The following SCN8A variants were observed in gnomAD, a reference collection of about 807,000 sequenced individuals.
SCN8A encodes sodium channel protein type 8 subunit alpha.
In SCN8A, 30 loss-of-function variants were observed where a neutral mutation model predicts 184.1. That is an observed-to-expected ratio of 0.16 (90% confidence interval 0.12 to 0.22). The LOEUF (loss-of-function observed/expected upper bound fraction) is 0.22. SCN8A is among the 10% of genes least tolerant of loss of function. SCN8A has a pLI of 1.00. For synonymous variants in SCN8A, 852 were observed against 907.0 expected (o/e 0.94, Z 1.09); for missense variants, 1,057 against 2,498.9 (o/e 0.42, Z 12.30).
At chr12:51,781,035 T>G (rs1175463456) in intron 21 of SCN8A, among the ~76,000 whole-genome samples, 4 of 152,158 alleles carry the variant, frequency 2.6e-5, no homozygotes, top group Non-Finnish European at 5.9e-5. Context: ...TGGCCTGGCT[T>G]ACCTGTAGCA....
intron 5 of SCN8A, 51 bp downstream of exon 5, chr12:51,687,270 G>T (rs1941434270): frequency 6.2e-7 from 1 of 1,603,500 alleles, no homozygotes; most frequent in Admixed American, 1.7e-5. Flanking sequence ...TCTGTGTGTG[G>T]AGTTGTACTC....
At chr12:51,748,532 A>G (rs1170907547) in intron 13 of SCN8A, among the ~76,000 whole-genome samples, 1 of 152,128 alleles carries the variant, frequency 6.6e-6, no homozygotes, top group African/African-American at 2.4e-5. Flanking sequence ...CAAAGCAGTA[A>G]AGCTGTGGGA....
intron 1 of SCN8A, among the ~76,000 whole-genome samples, chr12:51,656,604 C>T (rs1052711248): frequency 6.6e-6 from 1 of 151,910 alleles, no homozygotes; most frequent in African/African-American, 2.4e-5. Flanking sequence ...CAGTTTAACC[C>T]AATAGGAAAA....
intron 12 of SCN8A, among the ~76,000 whole-genome samples, chr12:51,745,323 G>T (rs1181253740): frequency 6.6e-6 from 1 of 152,124 alleles, no homozygotes; most frequent in African/African-American, 2.4e-5. Context: ...TCTTACAATG[G>T]CTTGTAGGAG....
In SCN8A at chr12:51,766,197, ATACT is replaced by A; in HGVS notation, c.2901+174_2901+177del. 4 of 653,564 alleles carry A rather than the reference ATACT, an allele frequency of 6.1e-6. No homozygotes were observed. In the South Asian group the frequency reaches 7.2e-5, roughly 12 times the overall value. The allele number at this position is 653,564 out of a possible 1,614,324, so 40.5% of individuals were successfully genotyped here. A position where few individuals can be genotyped will look rare whatever the true frequency, so the allele number is the denominator to read the frequency against. ...GGTACAAATGAAGGAGAGGAGAGAGATACTTACAGAGTGCCTACTTAGTCATGAC... is the reference window on the plus strand; with the variant it reads ...GGTACAAATGAAGGAGAGGAGAGAGATACAGAGTGCCTACTTAGTCATGAC... On this transcript the variant is annotated intron_variant, in intron 16 of 26. Transcript: ENST00000627620.
rs959955745 is a variant in SCN8A at position 51,746,016 on chromosome 12, T to C, written c.2112T>C (p.Val704=). Residue 704 remains valine (V), a synonymous_variant, in exon 13 of 27, where the codon GTT becomes GTC. Coordinates refer to ENST00000627620, the MANE Select transcript of SCN8A (RefSeq NM_001330260.2). ...GAATCAACAGTATAATGAGTGTTGT[T>C]ACAAATACACTAGTAGAAGGTATGT... ...KDRINSIMSV[V]TNTLVEELEE... The C allele has an allele frequency of 1.2e-6, 2 of 1,609,650 alleles. No individual in the cohort carries two copies. The highest frequency in any genetic ancestry group is 1.3e-5 in the African/African-American group (1 of 74,808).
intron 2 of SCN8A, among the ~76,000 whole-genome samples, chr12:51,665,957 G>A (rs1941025113): frequency 6.6e-6 from 1 of 152,264 alleles, no homozygotes; most frequent in South Asian, 2.1e-4. Context: ...AGCTACTCAG[G>A]AGGCTGAGTC....
At chr12:51,725,538 ACT>A (rs748632002) in intron 12 of SCN8A, among the ~76,000 whole-genome samples, 1 of 152,032 alleles carries the variant, frequency 6.6e-6, no homozygotes, top group Non-Finnish European at 1.5e-5. Flanking sequence ...TCTTATAATC[ACT>A]CTATTCAGTA....
chr12:51,756,248 G>A (rs2138846928), intron 14 of SCN8A, among the ~76,000 whole-genome samples: 1 of 152,046 alleles, frequency 6.6e-6, no homozygotes, highest in Admixed American at 6.5e-5. Context: ...TTCTCACCTG[G>A]CCCATTGACT....
At chr12:51,771,999 C>G (rs1265202429) in intron 19 of SCN8A, among the ~76,000 whole-genome samples, 2 of 152,218 alleles carry the variant, frequency 1.3e-5, no homozygotes, top group Admixed American at 1.3e-4. Flanking sequence ...TTTGAACTTT[C>G]TTTACTGCTC....
chr12:51,787,648 C>T (rs1003151251), intron 22 of SCN8A, among the ~76,000 whole-genome samples: 4 of 152,158 alleles, frequency 2.6e-5, no homozygotes, highest in African/African-American at 7.2e-5. Context: ...AGCATATAAC[C>T]ATGCTTAATT....
chr12:51,635,001 A>G (rs1940284507), intron 1 of SCN8A, among the ~76,000 whole-genome samples: 1 of 152,224 alleles, frequency 6.6e-6, no homozygotes, highest in Non-Finnish European at 1.5e-5. Flanking sequence ...ATGTAAAATC[A>G]TGTGATGACA....
At chr12:51,668,770 A>G (rs994795164) in intron 2 of SCN8A, among the ~76,000 whole-genome samples, 1 of 152,066 alleles carries the variant, frequency 6.6e-6, no homozygotes, top group Non-Finnish European at 1.5e-5. Context: ...AATTTGTTTA[A>G]CCTTTCTACC....
intron 1 of SCN8A, among the ~76,000 whole-genome samples, chr12:51,600,481 G>A (rs1234607793): frequency 6.6e-6 from 1 of 152,168 alleles, no homozygotes; most frequent in Non-Finnish European, 1.5e-5. Context: ...GAAAGAAAAG[G>A]CCTTATCAGC....
chr12:51,735,665 G>A (rs1158997634), intron 12 of SCN8A, among the ~76,000 whole-genome samples: 3 of 152,110 alleles, frequency 2.0e-5, no homozygotes, highest in African/African-American at 7.2e-5. Context: ...CTGTCCCCAG[G>A]TGGGTGGCTG....
At chr12:51,772,787 T>C (rs150611965) in intron 19 of SCN8A, among the ~76,000 whole-genome samples, 12,431 of 135,472 alleles carry the variant, frequency 0.092, 575 homozygotes, top group Middle Eastern at 0.15. Context: ...GAGACCATCC[T>C]GGCTAACACG....
chr12:51,702,762 TC>T lies in SCN8A; in HGVS notation c.993-10del. 14 of 1,569,190 alleles carry T rather than the reference TC, an allele frequency of 8.9e-6. No homozygotes were observed. Among genetic ancestry groups the T allele is most frequent in the Non-Finnish European group, 1.2e-5 (14 of 1,156,282 alleles). On this transcript the variant is annotated splice_polypyrimidine_tract_variant and intron_variant, in intron 8 of 26. Coordinates refer to ENST00000627620, the MANE Select transcript of SCN8A (RefSeq NM_001330260.2). ...TGTTGAAAAGTCCTGAACTTCCCTT[TC>T]TTTCTTTAGGCAATGCCCAGAGGGA...
chr12:51,729,761 T>TAA (rs1208674436), intron 12 of SCN8A, among the ~76,000 whole-genome samples: 1 of 152,154 alleles, frequency 6.6e-6, no homozygotes, highest in African/African-American at 2.4e-5. Flanking sequence ...TCAGAATAGT[T>TAA]ACACCATTTT....
At chr12:51,679,573 A>C (rs1038476413) in intron 2 of SCN8A, among the ~76,000 whole-genome samples, 1 of 152,198 alleles carries the variant, frequency 6.6e-6, no homozygotes, top group East Asian at 1.9e-4. Flanking sequence ...CAAAGCCTGC[A>C]GTATTGACTG....
Sources: allele counts gnomAD v4.1 joint callset (sites outside exome capture counted in the v4.1 genomes callset), GRCh38; gene constraint gnomAD v4.1.1; transcripts MANE v1.5; gene names NCBI Gene and HGNC (gene_info 2026-07-23, HGNC 2026-07-21).